The following PAM variants were observed in gnomAD, a reference collection of about 807,000 sequenced individuals.
PAM encodes peptidyl-glycine alpha-amidating monooxygenase.
PAM carries 72 observed loss-of-function variants against 122.1 expected under a neutral mutation model. The ratio of observed to expected loss-of-function variants is 0.59; its 90% CI spans 0.49 to 0.72. The LOEUF is 0.72. Ranked by LOEUF, PAM falls within the 30% of genes least tolerant of loss-of-function variation. PAM has a pLI of 0.00. For missense variants in PAM, 1,106 were observed against 1,183.7 expected, an observed-to-expected ratio of 0.93 and a Z score of 0.96; for synonymous variants, 389 against 404.4, an observed-to-expected ratio of 0.96 and a Z score of 0.46.
At chr5:102,874,145 C>G (rs1452917555) in intron 3 of PAM, among the ~76,000 whole-genome samples, 2 of 152,150 alleles carry the variant, frequency 1.3e-5, no homozygotes, top group African/African-American at 4.8e-5. Flanking sequence ...GCCACCAAGC[C>G]CTTTTTTTGT....
chr5:102,782,721 C>CTGTG (rs1460448799), intron 1 of PAM, among the ~76,000 whole-genome samples: 2 of 144,912 alleles, frequency 1.4e-5, no homozygotes, highest in African/African-American at 5.4e-5. Context: ...CTCTCTCTCT[C>CTGTG]TCTCTGTGTG....
intron 14 of PAM, among the ~76,000 whole-genome samples, chr5:102,963,753 A>G (rs1034321425): frequency 2.8e-4 from 42 of 151,746 alleles, no homozygotes; most frequent in African/African-American, 1.0e-3. Context: ...GGGTACAGAT[A>G]GTTCTGTAAG....
Position 102,948,977 on chromosome 5 carries a change from G to A in PAM, c.643+532G>A, listed in dbSNP as rs142827786. On this transcript the variant is annotated intron_variant, in intron 9 of 25. Coordinates refer to ENST00000438793, the MANE Select transcript of PAM (RefSeq NM_001177306.2). ...TATATTTTACGATCCTCTGATGAAA[G>A]TGCCATATGAAATATTGTTCATTTG... 1.8e-3 allele frequency among the ~76,000 whole-genome samples: 273 copies of A among 152,166 alleles called. 1 individual carries two copies. Among genetic ancestry groups the A allele is most frequent in the African/African-American group, 6.3e-3 (263 of 41,540 alleles).
chr5:102,851,263 T>G (rs1781300370), intron 1 of PAM, among the ~76,000 whole-genome samples: 1 of 152,180 alleles, frequency 6.6e-6, no homozygotes, highest in Non-Finnish European at 1.5e-5. Flanking sequence ...TATATGTATT[T>G]TGATTATATA....
intron 1 of PAM, among the ~76,000 whole-genome samples, chr5:102,833,887 T>G (rs1431571341): frequency 6.6e-6 from 1 of 152,136 alleles, no homozygotes; most frequent in African/African-American, 2.4e-5. Flanking sequence ...GCTGTTATAG[T>G]GTAATGGCCA....
At chr5:102,963,962 TTA>T (rs1398528218) in intron 14 of PAM, among the ~76,000 whole-genome samples, 3 of 151,194 alleles carry the variant, frequency 2.0e-5, no homozygotes, top group African/African-American at 7.3e-5. Context: ...GTAATAAATG[TTA>T]TGTTAGAAAG....
At chr5:102,922,917 C>T (rs1009018061) in intron 5 of PAM, among the ~76,000 whole-genome samples, 3 of 152,200 alleles carry the variant, frequency 2.0e-5, no homozygotes, top group Non-Finnish European at 4.4e-5. Context: ...ATCCAACATC[C>T]TGAGCCTTTT....
rs967105433 is a variant in PAM at position 103,025,249 on chromosome 5, C to G, written c.2604C>G (p.Leu868=). Residue 868 remains leucine, a synonymous_variant, in exon 24 of 26, where the codon CTC becomes CTG. Coordinates refer to ENST00000438793, the MANE Select transcript of PAM (RefSeq NM_001177306.2). The part of the protein sequence containing the change: ...KEPGSGVPVV[L]ITTLLVIPVV... ...CAGGCTCGGGAGTGCCTGTTGTTCTCATTACAACCCTTCTGGTTATTCCGG... is the reference window on the plus strand; with the variant it reads ...CAGGCTCGGGAGTGCCTGTTGTTCTGATTACAACCCTTCTGGTTATTCCGG... 1 of 1,613,760 alleles carries G rather than the reference C, an allele frequency of 6.2e-7. No individual in the cohort carries two copies. The highest frequency in any genetic ancestry group is 8.5e-7 in the Non-Finnish European group (1 of 1,179,712).
At chr5:102,869,409 C>T (rs992373478) in intron 3 of PAM, among the ~76,000 whole-genome samples, 6 of 152,158 alleles carry the variant, frequency 3.9e-5, no homozygotes, top group Admixed American at 3.9e-4. Context: ...TTGGTGACGT[C>T]ACTACTTATG....
intron 1 of PAM, among the ~76,000 whole-genome samples, chr5:102,782,703 T>TTC (rs370769198): frequency 0.03 from 4,318 of 142,580 alleles, 104 homozygotes; most frequent in African/African-American, 0.055. Context: ...CTTTCTCCAT[T>TTC]TCTCTCTCTC....
chr5:102,775,091 T>C (rs1756811929), intron 1 of PAM, among the ~76,000 whole-genome samples: 1 of 152,076 alleles, frequency 6.6e-6, no homozygotes, highest in Admixed American at 6.6e-5. Context: ...ATTTTTTCCA[T>C]GGATTTTACA....
At chr5:102,942,800 G>A (rs1452282739) in intron 7 of PAM, among the ~76,000 whole-genome samples, 1 of 148,496 alleles carries the variant, frequency 6.7e-6, no homozygotes, top group Non-Finnish European at 1.5e-5. Flanking sequence ...CAAACTCCTG[G>A]GGTCAAGTGA....
At chr5:102,969,201 A>G (rs965455079) in intron 14 of PAM, among the ~76,000 whole-genome samples, 4 of 152,114 alleles carry the variant, frequency 2.6e-5, no homozygotes, top group African/African-American at 9.7e-5. Flanking sequence ...ACAAACCTGC[A>G]CATTCTGCAC....
rs998591225 is a variant in PAM at position 103,029,664 on chromosome 5, C to G, written c.*599C>G. ...TTTAGATGGTTACACTGTTAGAACA[C>G]TATTTTCAGAATCTGAATGTAATTT... On this transcript the variant is annotated 3_prime_UTR_variant, in exon 26 of 26. Coordinates refer to ENST00000438793, the MANE Select transcript of PAM (RefSeq NM_001177306.2). 6.6e-6 allele frequency: 1 copy of G among 152,558 alleles called. No homozygotes were observed. Among genetic ancestry groups the G allele is most frequent in the Non-Finnish European group, 1.5e-5 (1 of 68,020 alleles). The allele number at this position is 152,558 out of a possible 1,614,324, so 9.5% of individuals were successfully genotyped here.
intron 7 of PAM, among the ~76,000 whole-genome samples, chr5:102,942,771 A>G (rs1023977718): frequency 7.1e-6 from 1 of 140,260 alleles, no homozygotes; most frequent in Non-Finnish European, 1.5e-5. Flanking sequence ...CAGTTTCACC[A>G]TATTGCCCAG....
intron 16 of PAM, among the ~76,000 whole-genome samples, chr5:102,991,723 A>G (rs17154909): frequency 0.013 from 2,034 of 152,286 alleles, 38 homozygotes; most frequent in African/African-American, 0.047. Context: ...TCAGAGTTCA[A>G]AGTAAATAAT....
chr5:102,800,102 T>C (rs1395497054), intron 1 of PAM, among the ~76,000 whole-genome samples: 2 of 152,364 alleles, frequency 1.3e-5, no homozygotes, highest in African/African-American at 2.4e-5. Context: ...CACTATTCAC[T>C]GTCCTCCAGC....
At chr5:102,957,300 A>G (rs1761057804) in intron 12 of PAM, among the ~76,000 whole-genome samples, 1 of 152,164 alleles carries the variant, frequency 6.6e-6, no homozygotes, top group Non-Finnish European at 1.5e-5. Flanking sequence ...CAAGTCTTAC[A>G]GTACAGCTTT....
At chr5:102,859,815 T>C (rs1046905410) in intron 1 of PAM, among the ~76,000 whole-genome samples, 1 of 152,224 alleles carries the variant, frequency 6.6e-6, no homozygotes, top group Non-Finnish European at 1.5e-5. Context: ...ACCTTTTCTA[T>C]GTTTAGATAC....
Sources: allele counts gnomAD v4.1 joint callset (sites outside exome capture counted in the v4.1 genomes callset), GRCh38; gene constraint gnomAD v4.1.1; transcripts MANE v1.5; gene names NCBI Gene and HGNC (gene_info 2026-07-23, HGNC 2026-07-21).